ATP10B: variants seen among roughly 807,000 people sequenced by gnomAD.
The protein encoded by ATP10B is ATPase phospholipid transporting 10B (putative), also known as phospholipid-transporting ATPase VB.
A neutral mutation model predicts 141.2 loss-of-function variants in ATP10B; 122 were observed. That is an observed-to-expected ratio of 0.86 (90% CI 0.75 to 1.00). The LOEUF is 1.00. ATP10B is among the 50% of genes least tolerant of loss of function. The pLI is 0.00. For missense variants in ATP10B, 1,876 were observed against 1,825.3 expected (o/e 1.03, Z -0.51); for synonymous variants, 685 against 692.0 (o/e 0.99, Z 0.16).
the ATP10B span, among the ~76,000 whole-genome samples, chr5:160,915,235 G>A: frequency 1.3e-5 from 2 of 152,106 alleles, no homozygotes; most frequent in Non-Finnish European, 2.9e-5. Flanking sequence ...TGCCATAGGG[G>A]AGTCACCTCC....
chr5:160,817,244 C>A (rs1581590483), intron 1 of ATP10B, among the ~76,000 whole-genome samples: 1 of 152,130 alleles, frequency 6.6e-6, no homozygotes, highest in African/African-American at 2.4e-5. Flanking sequence ...GATTGTATAT[C>A]TAGAAAACTC....
At position 160,838,685 on chromosome 5, in the gene ATP10B, C is replaced by T. The variant is rs143382260; in HGVS notation, c.-576+13256G>A. 6.6e-5 allele frequency among the ~76,000 whole-genome samples: 10 copies of T among 152,108 alleles called. No homozygotes were observed. The East Asian group carries it at 1.7e-3, about 26-fold the overall frequency. ...AACCATTATGCTAGACACCAGAGAACGATGTGGAGTAATCTTTTAAATAAG... is the reference window on the plus strand; with the variant it reads ...AACCATTATGCTAGACACCAGAGAATGATGTGGAGTAATCTTTTAAATAAG... On this transcript the variant is annotated intron_variant, in intron 1 of 25. Transcript: ENST00000327245.
At chr5:160,730,666 T>C (rs1308982916) in intron 2 of ATP10B, among the ~76,000 whole-genome samples, 1 of 152,184 alleles carries the variant, frequency 6.6e-6, no homozygotes, top group African/African-American at 2.4e-5. Context: ...GCTGCTCTTC[T>C]AGTAGCCCCT....
At chr5:160,677,789 G>T (rs901449522) in intron 6 of ATP10B, among the ~76,000 whole-genome samples, 2 of 152,228 alleles carry the variant, frequency 1.3e-5, no homozygotes, top group Non-Finnish European at 2.9e-5. Context: ...ATAGGCTTAT[G>T]ACTGTATTTT....
chr5:160,622,088 T>C (rs1372852000), intron 14 of ATP10B, among the ~76,000 whole-genome samples: 1 of 152,216 alleles, frequency 6.6e-6, no homozygotes, highest in Non-Finnish European at 1.5e-5. Flanking sequence ...GTGCTGGGTA[T>C]GGAGCCTGGC....
At chr5:160,834,152 C>T (rs940822785) in intron 1 of ATP10B, among the ~76,000 whole-genome samples, 1 of 151,932 alleles carries the variant, frequency 6.6e-6, no homozygotes, top group Non-Finnish European at 1.5e-5. Flanking sequence ...GACAAAATCC[C>T]ATCTCTACTA....
intron 24 of ATP10B, among the ~76,000 whole-genome samples, chr5:160,572,188 G>GTTT (rs3075519): frequency 5.2e-4 from 79 of 150,926 alleles, no homozygotes; most frequent in Middle Eastern, 3.4e-3. Flanking sequence ...CTTTTAAAGA[G>GTTT]TTTTTTTTTC....
intron 7 of ATP10B, among the ~76,000 whole-genome samples, chr5:160,657,614 T>A (rs1761597077): frequency 6.6e-6 from 1 of 152,168 alleles, no homozygotes. Flanking sequence ...CTAAAAGTAA[T>A]CTTGAGATCT....
chr5:160,674,949 T>G (rs1401017903), intron 6 of ATP10B, among the ~76,000 whole-genome samples: 1 of 152,198 alleles, frequency 6.6e-6, no homozygotes, highest in Non-Finnish European at 1.5e-5. Flanking sequence ...CACTTTATGC[T>G]GATTCTCTAG....
chr5:160,574,213 T>G (rs969116927), intron 24 of ATP10B, among the ~76,000 whole-genome samples: 3 of 152,168 alleles, frequency 2.0e-5, no homozygotes, highest in African/African-American at 7.2e-5. Context: ...GTGGATCACT[T>G]GAGGTCAGGA....
intron 6 of ATP10B, chr5:160,685,372 A>C (rs1251647808): frequency 5.4e-6 from 3 of 559,488 alleles, no homozygotes; most frequent in Non-Finnish European, 9.4e-6. Context: ...ACAAGGAAAG[A>C]GCCTGCAGAG....
chr5:160,844,626 A>C (rs1370096569), intron 1 of ATP10B, among the ~76,000 whole-genome samples: 2 of 151,980 alleles, frequency 1.3e-5, no homozygotes, highest in African/African-American at 4.8e-5. Context: ...GCTCACTGTA[A>C]TGTCCACCTC....
chr5:160,813,484 G>T (rs1279753210), intron 1 of ATP10B, among the ~76,000 whole-genome samples: 1 of 152,168 alleles, frequency 6.6e-6, no homozygotes, highest in Non-Finnish European at 1.5e-5. Context: ...AAAGCAGCTG[G>T]GAAGCTCGAA....
intron 1 of ATP10B, among the ~76,000 whole-genome samples, chr5:160,831,119 T>C (rs1297435222): frequency 6.6e-6 from 1 of 152,014 alleles, no homozygotes; most frequent in Non-Finnish European, 1.5e-5. Flanking sequence ...CGCTTTTTTT[T>C]TTTCTTTTAG....
At chr5:160,861,451 A>G in the ATP10B span, among the ~76,000 whole-genome samples, 1 of 151,944 alleles carries the variant, frequency 6.6e-6, no homozygotes, top group African/African-American at 2.4e-5. Context: ...ACTGATGTTG[A>G]AATGTTTATA....
In ATP10B at chr5:160,644,870, C is replaced by T. The variant is rs138713633; in HGVS notation, c.762-626G>A. On this transcript the variant is annotated intron_variant, in intron 8 of 25. Coordinates refer to ENST00000327245, the MANE Select transcript of ATP10B (RefSeq NM_025153.3). ...CAGTGGCTCAAGCCTGTAATCTCAG[C>T]ACTTTGGGAGGCCGAGGCAGGTGGA... is the stretch of plus-strand genomic sequence containing the variant. 6.1e-3 allele frequency among the ~76,000 whole-genome samples: 922 copies of T among 152,228 alleles called. 15 individuals carry two copies. The highest frequency in any genetic ancestry group is 0.021 in the African/African-American group (881 of 41,532).
the ATP10B span, among the ~76,000 whole-genome samples, chr5:160,904,845 A>T: frequency 7.8e-3 from 1,195 of 152,318 alleles, 20 homozygotes; most frequent in African/African-American, 0.027. Context: ...GTGGCTTCAC[A>T]TGGTGCCTGA....
the ATP10B span, among the ~76,000 whole-genome samples, chr5:160,880,129 TTA>T: frequency 6.8e-6 from 1 of 147,158 alleles, no homozygotes; most frequent in African/African-American, 2.5e-5. Context: ...GTAAAAGAAA[TTA>T]TATAATAGAT....
At chr5:160,825,421 T>A (rs1460446374) in intron 1 of ATP10B, among the ~76,000 whole-genome samples, 2 of 152,210 alleles carry the variant, frequency 1.3e-5, no homozygotes, top group Non-Finnish European at 2.9e-5. Context: ...CCCTTTCTCT[T>A]GGCTCCTATT....
Sources: allele counts gnomAD v4.1 joint callset (sites outside exome capture counted in the v4.1 genomes callset), GRCh38; gene constraint gnomAD v4.1.1; transcripts MANE v1.5; gene names NCBI Gene and HGNC (gene_info 2026-07-23, HGNC 2026-07-21).